TTI1: variants seen among roughly 807,000 people sequenced by gnomAD.
The protein encoded by TTI1 is TELO2-interacting protein 1 homolog.
In TTI1, 52 loss-of-function variants were observed where a neutral mutation model predicts 85.4. The observed-to-expected ratio is 0.61, with a 90% CI of 0.49 to 0.77. The LOEUF (loss-of-function observed/expected upper bound fraction) is 0.77, where lower values mean the gene tolerates loss of function less well. TTI1 is among the 30% of genes least tolerant of loss of function. TTI1 has a pLI of 0.00. For missense variants in TTI1, 1,173 were observed against 1,296.0 expected, an observed-to-expected ratio of 0.91 and a Z score of 1.46; for synonymous variants, 512 against 503.9, an observed-to-expected ratio of 1.02 and a Z score of -0.22.
chr20:38,021,480 G>A (rs961001543), intron 1 of TTI1, among the ~76,000 whole-genome samples: 1 of 152,142 alleles, frequency 6.6e-6, no homozygotes, highest in African/African-American at 2.4e-5. Context: ...ACAGCAACAG[G>A]GGCATTCTGG....
chr20:38,021,880 C>G (rs1189197114), intron 1 of TTI1, among the ~76,000 whole-genome samples: 1 of 152,174 alleles, frequency 6.6e-6, no homozygotes, highest in Non-Finnish European at 1.5e-5. Context: ...CGGTGTTATA[C>G]TTTACAGATA....
chr20:37,987,339 T>C (rs2073204389), intron 7 of TTI1: 1 of 456,664 alleles, frequency 2.2e-6, no homozygotes, highest in South Asian at 1.5e-5. Context: ...TGCTTTGAAG[T>C]GACTGGGGTA....
chr20:37,999,134 T>C, intron 5 of TTI1, 54 bp downstream of exon 5: 1 of 1,324,652 alleles, frequency 7.5e-7, no homozygotes, highest in Non-Finnish European at 9.7e-7. Flanking sequence ...CGGTGAGCTC[T>C]GTGCCTACTA....
intron 2 of TTI1, among the ~76,000 whole-genome samples, chr20:38,010,950 T>C (rs2073577631): frequency 6.6e-6 from 1 of 152,182 alleles, no homozygotes; most frequent in South Asian, 2.1e-4. Flanking sequence ...TTAAGTAAAA[T>C]ATAGAATTCA....
rs1451910708 is a variant in TTI1, at chr20:38,024,817, G to A, written c.-42+8587C>T. ...AGGCATTCCATCCCCACCAGCCCCA[G>A]TGTCAGTGGAGACCACACGGGGAGC... is the stretch of plus-strand genomic sequence containing the variant. On this transcript the variant is annotated intron_variant, in intron 1 of 7. Transcript: ENST00000373447. Among the ~76,000 whole-genome samples the A allele has an allele frequency of 3.3e-5, 5 of 152,154 alleles. No individual in the cohort carries two copies. In the East Asian group the frequency reaches 7.7e-4, roughly 23 times the overall value.
intron 1 of TTI1, among the ~76,000 whole-genome samples, chr20:38,026,018 A>C (rs2073832555): frequency 6.6e-6 from 1 of 152,272 alleles, no homozygotes; most frequent in Admixed American, 6.5e-5. Context: ...CAAAGTTGGC[A>C]AAGACATAAA....
intron 5 of TTI1, 117 bp downstream of exon 5, chr20:37,999,071 C>G (rs1001219119): frequency 1.7e-6 from 2 of 1,149,610 alleles, no homozygotes; most frequent in Non-Finnish European, 2.2e-6. Context: ...TCTATACTTT[C>G]TTCACAGTAT....
chr20:38,014,336 C>G (rs752197237), intron 1 of TTI1, among the ~76,000 whole-genome samples: 1 of 152,276 alleles, frequency 6.6e-6, no homozygotes, highest in South Asian at 2.1e-4. Context: ...AACCACTTCC[C>G]GAAGTAAGAT....
chr20:38,002,806 T>C, intron 3 of TTI1, 30 bp from the exon 4 acceptor site: 6 of 1,606,722 alleles, frequency 3.7e-6, no homozygotes, highest in Non-Finnish European at 5.1e-6. Flanking sequence ...GGGGGCAGTG[T>C]TGTATGAGTG....
intron 7 of TTI1, among the ~76,000 whole-genome samples, chr20:37,991,173 T>C (rs2073259311): frequency 6.6e-6 from 1 of 152,184 alleles, no homozygotes; most frequent in Non-Finnish European, 1.5e-5. Flanking sequence ...ACTACTTGGG[T>C]TTGGATTTGT....
In TTI1 at chr20:38,031,140, T is replaced by C. The variant is rs563750073; in HGVS notation, c.-42+2264A>G. ...TGGGTTACTACAACAGCTGCCAAAC[T>C]GGTCCTTCCTGCTTCTACCTTTGCA... On this transcript the variant is annotated intron_variant, in intron 1 of 7. Transcript: ENST00000373447. Among the ~76,000 whole-genome samples the C allele has an allele frequency of 8.4e-4, 128 of 152,348 alleles. No individual in the cohort carries two copies. The South Asian group carries it at 0.011, about 13-fold the overall frequency.
At chr20:37,986,801 C>A (rs943958678) in intron 7 of TTI1, among the ~76,000 whole-genome samples, 1 of 152,218 alleles carries the variant, frequency 6.6e-6, no homozygotes, top group East Asian at 1.9e-4. Context: ...CACCACCAAT[C>A]TTAGCAGCAC....
intron 7 of TTI1, among the ~76,000 whole-genome samples, chr20:37,988,088 G>C (rs1396495393): frequency 6.6e-6 from 1 of 152,222 alleles, no homozygotes; most frequent in Non-Finnish European, 1.5e-5. Flanking sequence ...AAGAGAGAGG[G>C]ACAAAAAAGC....
In TTI1 at chr20:37,999,904, CA is replaced by C. The variant is rs541992735; in HGVS notation, c.2653-577del. Among the ~76,000 whole-genome samples the C allele has an allele frequency of 4.6e-3, 697 of 152,210 alleles. 4 individuals are homozygous for C. The highest frequency in any genetic ancestry group is 0.015 in the African/African-American group (611 of 41,524). ...TGTACTAAGTGCAGTGGGGAGCCGTCAAAGTGTTTTAAGCAGGAAAGTGACA... is the reference window on the plus strand; with the variant it reads ...TGTACTAAGTGCAGTGGGGAGCCGTCAAGTGTTTTAAGCAGGAAAGTGACA... On this transcript the variant is annotated intron_variant, in intron 4 of 7. Transcript: ENST00000373447.
At chr20:38,024,329 T>TG (rs2073808884) in intron 1 of TTI1, among the ~76,000 whole-genome samples, 1 of 152,178 alleles carries the variant, frequency 6.6e-6, no homozygotes, top group Admixed American at 6.5e-5. Flanking sequence ...TCTCGGGAGA[T>TG]GGAGTAGGCA....
intron 4 of TTI1, 148 bp downstream of exon 4, chr20:38,002,476 CACAG>C (rs1207157785): frequency 9.8e-7 from 1 of 1,019,528 alleles, no homozygotes; most frequent in African/African-American, 1.6e-5. Flanking sequence ...ACTGTCACCC[CACAG>C]ACAAATTCCT....
intron 1 of TTI1, among the ~76,000 whole-genome samples, chr20:38,025,688 C>T (rs1016463234): frequency 1.3e-5 from 2 of 151,702 alleles, no homozygotes; most frequent in African/African-American, 2.4e-5. Context: ...TAAAATGTAT[C>T]GATAAGCAAT....
At chr20:38,017,894 A>G (rs571026365) in intron 1 of TTI1, among the ~76,000 whole-genome samples, 1 of 152,326 alleles carries the variant, frequency 6.6e-6, no homozygotes, top group East Asian at 1.9e-4. Flanking sequence ...ATACTCTAAT[A>G]AGGATGAACC....
intron 1 of TTI1, among the ~76,000 whole-genome samples, chr20:38,032,849 A>T (rs1299369581): frequency 6.6e-6 from 1 of 152,156 alleles, no homozygotes; most frequent in Non-Finnish European, 1.5e-5. Flanking sequence ...CAGGCCTCAA[A>T]TAGTGTGTCT....
Sources: allele counts gnomAD v4.1 joint callset (sites outside exome capture counted in the v4.1 genomes callset), GRCh38; gene constraint gnomAD v4.1.1; transcripts MANE v1.5; gene names NCBI Gene and HGNC (gene_info 2026-07-23, HGNC 2026-07-21).